The following CFAP251 variants were observed in gnomAD, a reference collection of about 807,000 sequenced individuals.
CFAP251 encodes cilia and flagella associated protein 251.
CFAP251 carries 93 observed loss-of-function variants against 126.7 expected under a neutral mutation model. The ratio of observed to expected loss-of-function variants is 0.73; its 90% CI spans 0.62 to 0.87. The LOEUF is 0.87. CFAP251 is among the 40% of genes least tolerant of loss of function. CFAP251 has a pLI of 0.00. For synonymous variants in CFAP251, 503 were observed against 506.9 expected, an observed-to-expected ratio of 0.99 and a Z score of 0.10; for missense variants, 1,287 against 1,389.2, an observed-to-expected ratio of 0.93 and a Z score of 1.17.
In CFAP251 at chr12:121,942,645, G is replaced by T; in HGVS notation, c.1110G>T (p.Gln370His). The change falls in exon 6 of 22, where the codon CAG (glutamine) becomes CAT (histidine). Residue 370 changes from glutamine to histidine, a missense_variant and splice_region_variant. Physicochemically the swap from Gln to His is conservative, Grantham distance 24. Coordinates refer to ENST00000288912, the MANE Select transcript of CFAP251 (RefSeq NM_144668.6). The stretch of plus-strand genomic sequence containing the variant: ...CAACCATCTCAGATGCTGAAGTCCA[G>T]GTAAAGGCCCTGGCCCTTTGGGTCA... ...YLATISDAEVQKVCIWKWTLA... is the reference protein window; with the variant it reads ...YLATISDAEVHKVCIWKWTLA... 6.2e-7 allele frequency: 1 copy of T among 1,610,912 alleles called. No individual in the cohort carries two copies. Among genetic ancestry groups the T allele is most frequent in the South Asian group, 1.1e-5 (1 of 90,980 alleles).
At chr12:121,930,343 T>C (rs1880631853) in intron 3 of CFAP251, among the ~76,000 whole-genome samples, 1 of 151,972 alleles carries the variant, frequency 6.6e-6, no homozygotes, top group Non-Finnish European at 1.5e-5. Context: ...AAAAAGTAGC[T>C]GGATGTGGTG....
At chr12:121,958,176 C>T (rs1006259003) in intron 11 of CFAP251, 96 bp from the exon 12 acceptor site, 42 of 1,524,020 alleles carry the variant, frequency 2.8e-5, no homozygotes, top group African/African-American at 2.5e-4. Context: ...AAATTACAGA[C>T]GACAGAGGCG....
intron 7 of CFAP251, among the ~76,000 whole-genome samples, chr12:121,944,830 T>C (rs1035767340): frequency 1.3e-5 from 2 of 152,210 alleles, no homozygotes; most frequent in African/African-American, 4.8e-5. Context: ...CTGTCCAGTC[T>C]GGAGAGCAGT....
chr12:121,922,314 T>G (rs1298563721), intron 2 of CFAP251, among the ~76,000 whole-genome samples: 1 of 152,012 alleles, frequency 6.6e-6, no homozygotes, highest in Non-Finnish European at 1.5e-5. Context: ...TCACTTATGT[T>G]GGCCAGGCTG....
chr12:121,972,259 G>C (rs1315460674), intron 17 of CFAP251, among the ~76,000 whole-genome samples: 1 of 152,208 alleles, frequency 6.6e-6, no homozygotes, highest in East Asian at 1.9e-4. Context: ...GGGAAGGTTT[G>C]GAACTTCCTA....
At chr12:121,981,633 A>G (rs1882625619) in intron 19 of CFAP251, among the ~76,000 whole-genome samples, 1 of 152,190 alleles carries the variant, frequency 6.6e-6, no homozygotes, top group South Asian at 2.1e-4. Context: ...TCTCCTTCAC[A>G]AGGCCTGCAG....
At chr12:121,975,111 C>A in intron 17 of CFAP251, 133 bp from the exon 18 acceptor site, 1 of 659,260 alleles carries the variant, frequency 1.5e-6, no homozygotes, top group Non-Finnish European at 2.6e-6. Context: ...CTTTTCTTAA[C>A]AAGTGTGTAG....
rs376011926 is a variant in CFAP251, at chr12:121,954,234, C to A, written c.1435C>A (p.Pro479Thr). Residue 479 changes from proline (P) to threonine (T), a missense_variant, in exon 10 of 22, where the codon CCC (proline) becomes ACC (threonine). Transcript: ENST00000288912. Reference protein sequence around the residue: ...KLVVWDIHRPPSSASTFLGFP... With the variant: ...KLVVWDIHRPTSSASTFLGFP... ...GGTTGTCTGGGACATACACCGCCCA[C>A]CCTCATCTGCCTCCACCTTTTTGGG... is the stretch of plus-strand genomic sequence containing the variant. 1 of 1,614,070 alleles carries A rather than the reference C, an allele frequency of 6.2e-7. No individual in the cohort carries two copies. The highest frequency in any genetic ancestry group is 8.5e-7 in the Non-Finnish European group (1 of 1,180,042).
At chr12:121,973,474 C>G (rs1198257936) in intron 17 of CFAP251, among the ~76,000 whole-genome samples, 1 of 152,136 alleles carries the variant, frequency 6.6e-6, no homozygotes, top group African/African-American at 2.4e-5. Context: ...AGAAGAGGGC[C>G]ACCATCCTCC....
intron 11 of CFAP251, among the ~76,000 whole-genome samples, chr12:121,957,797 A>C (rs1174600412): frequency 6.6e-6 from 1 of 151,738 alleles, no homozygotes; most frequent in East Asian, 1.9e-4. Flanking sequence ...CTGATCTCTC[A>C]CCTCTGTTGA....
At chr12:121,985,515 G>A (rs1404717706) in intron 19 of CFAP251, among the ~76,000 whole-genome samples, 3 of 127,026 alleles carry the variant, frequency 2.4e-5, no homozygotes, top group Non-Finnish European at 4.7e-5. Flanking sequence ...CAGCCTGGGC[G>A]ACAGAGCAAG....
chr12:121,981,032 A>G (rs922479681), intron 19 of CFAP251, among the ~76,000 whole-genome samples: 3 of 152,158 alleles, frequency 2.0e-5, no homozygotes, highest in African/African-American at 7.2e-5. Flanking sequence ...AGAGGTGCTT[A>G]CTCAGTGGGG....
Position 121,992,494 on chromosome 12 carries a change from C to T in CFAP251, c.3007-7222C>T, listed in dbSNP as rs989975512. The T allele has an allele frequency of 4.4e-5, 43 of 985,226 alleles. No individual in the cohort carries two copies. The African/African-American group carries it at 4.5e-4, about 10-fold the overall frequency. 61.0% of individuals were successfully genotyped at this position (985,226 alleles called of 1,614,324 possible). A position where few individuals can be genotyped will look rare whatever the true frequency, so the allele number is the denominator to read the frequency against. ...TCAGGCCCTTATGAATTCCTTTTGT[C>T]GTCTTAGTCTCCTGTTCTGAACTGA... On this transcript the variant is annotated intron_variant, in intron 19 of 21. Coordinates refer to ENST00000288912, the MANE Select transcript of CFAP251 (RefSeq NM_144668.6).
At position 122,001,485 on chromosome 12, in the gene CFAP251, T is replaced by A; in HGVS notation, c.3236-12T>A. On this transcript the variant is annotated splice_polypyrimidine_tract_variant and intron_variant, in intron 20 of 21. Coordinates refer to ENST00000288912, the MANE Select transcript of CFAP251 (RefSeq NM_144668.6). ...GAGTTAAACAATCACCTTCTCACTC[T>A]TTGACACACAGGTGAGCATATGACG... is the stretch of plus-strand genomic sequence containing the variant. 1 of 1,610,778 alleles carries A rather than the reference T, an allele frequency of 6.2e-7. No individual in the cohort carries two copies. The highest frequency in any genetic ancestry group is 1.3e-5 in the African/African-American group (1 of 74,996).
At chr12:121,923,550 G>T in intron 2 of CFAP251, 72 bp from the exon 3 acceptor site, 1 of 1,514,956 alleles carries the variant, frequency 6.6e-7, no homozygotes, top group East Asian at 2.3e-5. Flanking sequence ...CTGGCTGACT[G>T]GGAATAGAAA....
chr12:121,976,073 A>G (rs1296294689), intron 19 of CFAP251, among the ~76,000 whole-genome samples: 3 of 151,196 alleles, frequency 2.0e-5, no homozygotes, highest in East Asian at 3.9e-4. Flanking sequence ...CAGTGGCACA[A>G]TTTTGGCTCA....
intron 20 of CFAP251, among the ~76,000 whole-genome samples, chr12:122,000,524 G>A (rs1883123424): frequency 2.7e-5 from 4 of 148,892 alleles, no homozygotes; most frequent in Non-Finnish European, 5.9e-5. Flanking sequence ...TGCAGTTCAG[G>A]CTGGGTGACA....
chr12:121,960,861 G>A, intron 14 of CFAP251, 103 bp downstream of exon 14: 1 of 1,374,342 alleles, frequency 7.3e-7, no homozygotes, highest in Non-Finnish European at 9.9e-7. Flanking sequence ...ACGTGTGTTT[G>A]TTGGAGAAAA....
intron 3 of CFAP251, among the ~76,000 whole-genome samples, chr12:121,927,454 T>C (rs1285305025): frequency 6.6e-6 from 1 of 152,044 alleles, no homozygotes; most frequent in Non-Finnish European, 1.5e-5. Context: ...CGCACCACCA[T>C]ACCCAGCTAA....
Sources: allele counts gnomAD v4.1 joint callset (sites outside exome capture counted in the v4.1 genomes callset), GRCh38; gene constraint gnomAD v4.1.1; transcripts MANE v1.5; gene names NCBI Gene and HGNC (gene_info 2026-07-23, HGNC 2026-07-21).